The following FAM107B variants were observed in gnomAD, a reference collection of about 807,000 sequenced individuals.
The protein encoded by FAM107B is family with sequence similarity 107 member B.
FAM107B carries 21 observed loss-of-function variants against 31.5 expected under a neutral mutation model. The observed-to-expected ratio is 0.67, with a 90% confidence interval of 0.47 to 0.96. The LOEUF is 0.96. Ranked by LOEUF, FAM107B falls within the 40% of genes least tolerant of loss-of-function variation. The pLI, the probability that FAM107B is intolerant of heterozygous loss-of-function variation, is 0.00. For synonymous variants in FAM107B, 157 were observed against 141.5 expected (o/e 1.11, Z -0.78); for missense variants, 452 against 377.1 (o/e 1.20, Z -1.64).
At chr10:14,575,499 G>A (rs540117908) in intron 2 of FAM107B, among the ~76,000 whole-genome samples, 58 of 152,188 alleles carry the variant, frequency 3.8e-4, no homozygotes, top group South Asian at 1.0e-3. Flanking sequence ...CACTGCGCCC[G>A]GCCAAGAAGC....
At chr10:14,551,602 T>A (rs1359075017) in intron 2 of FAM107B, among the ~76,000 whole-genome samples, 1 of 151,630 alleles carries the variant, frequency 6.6e-6, no homozygotes, top group Non-Finnish European at 1.5e-5. Context: ...TTTTTTTTTT[T>A]AAGGACACTA....
At chr10:14,610,446 C>T (rs1404460889) in intron 2 of FAM107B, among the ~76,000 whole-genome samples, 1 of 152,092 alleles carries the variant, frequency 6.6e-6, no homozygotes. Context: ...CTGTTTTGCA[C>T]AATTGTTGTA....
intron 2 of FAM107B, among the ~76,000 whole-genome samples, chr10:14,612,289 C>A (rs763616347): frequency 6.6e-6 from 1 of 152,152 alleles, no homozygotes; most frequent in African/African-American, 2.4e-5. Context: ...AACTAAAATC[C>A]TAACTAATGT....
At chr10:14,573,874 T>G (rs1851377337) in intron 2 of FAM107B, among the ~76,000 whole-genome samples, 3 of 151,684 alleles carry the variant, frequency 2.0e-5, no homozygotes, top group Admixed American at 2.0e-4. Context: ...TTGGATTCCT[T>G]CCAAATGATC....
At chr10:14,692,300 C>A (rs1178298383) in intron 1 of FAM107B, among the ~76,000 whole-genome samples, 1 of 152,122 alleles carries the variant, frequency 6.6e-6, no homozygotes, top group Non-Finnish European at 1.5e-5. Flanking sequence ...TCCCTTGGAA[C>A]CATCTAGTCA....
At chr10:14,717,724 C>T (rs150175774) in intron 1 of FAM107B, among the ~76,000 whole-genome samples, 1 of 146,748 alleles carries the variant, frequency 6.8e-6, no homozygotes, top group Non-Finnish European at 1.5e-5. Flanking sequence ...TCGACAGACT[C>T]AAATGTCAGT....
intron 1 of FAM107B, among the ~76,000 whole-genome samples, chr10:14,690,726 A>C (rs1459604378): frequency 3.9e-5 from 6 of 152,108 alleles, no homozygotes; most frequent in Non-Finnish European, 2.9e-5. Flanking sequence ...TGCTGGGATT[A>C]CAGGCGTGAG....
intron 1 of FAM107B, among the ~76,000 whole-genome samples, chr10:14,671,886 A>C (rs1355132952): frequency 0.012 from 98 of 8,476 alleles, 4 homozygotes; most frequent in East Asian, 0.075. Flanking sequence ...AAAAAAAAAC[A>C]AAAAAACAAA....
chr10:14,630,658 C>G (rs2131417556), intron 2 of FAM107B, among the ~76,000 whole-genome samples: 1 of 151,776 alleles, frequency 6.6e-6, no homozygotes, highest in South Asian at 2.1e-4. Context: ...AAAAATACCC[C>G]TCTAAAATAA....
chr10:14,599,296 G>C (rs1852288475), intron 2 of FAM107B, among the ~76,000 whole-genome samples: 1 of 152,148 alleles, frequency 6.6e-6, no homozygotes, highest in African/African-American at 2.4e-5. Context: ...ACCAGGAAGA[G>C]GCCTGCTGAG....
intron 1 of FAM107B, among the ~76,000 whole-genome samples, chr10:14,686,392 CAAA>C (rs61066393): frequency 3.2e-5 from 4 of 125,730 alleles, no homozygotes; most frequent in African/African-American, 5.9e-5. Context: ...CTGCATGTCT[CAAA>C]AAAAAAAAAA....
In FAM107B at chr10:14,620,017, CTTTTTTTTTTT is replaced by C. The variant is rs71388190; in HGVS notation, c.469+47606_469+47616del. On this transcript the variant is annotated intron_variant, in intron 2 of 4. Coordinates refer to ENST00000181796, the MANE Select transcript of FAM107B (RefSeq NM_031453.4). ...ATCTACGTCTGGACTTTCTTTCTTT[CTTTTTTTTTTT>C]TTTTTTTTTTGAGATGGAGTCTCGC... Among the ~76,000 whole-genome samples the C allele has an allele frequency of 3.6e-5, 3 of 83,894 alleles. No individual in the cohort carries two copies. The South Asian group carries it at 1.3e-3, about 36-fold the overall frequency. 55.0% of individuals were successfully genotyped at this position (83,894 alleles called of 152,430 possible). A position where few individuals can be genotyped will look rare whatever the true frequency, so the allele number is the denominator to read the frequency against.
At chr10:14,608,489 C>G (rs1341014823) in intron 2 of FAM107B, among the ~76,000 whole-genome samples, 2 of 152,192 alleles carry the variant, frequency 1.3e-5, no homozygotes, top group Non-Finnish European at 2.9e-5. Context: ...TAGCTTGGCT[C>G]TGTCATGTGT....
At chr10:14,668,339 G>C (rs1355688427) in intron 1 of FAM107B, among the ~76,000 whole-genome samples, 3 of 152,124 alleles carry the variant, frequency 2.0e-5, no homozygotes, top group Non-Finnish European at 4.4e-5. Flanking sequence ...CACCACACCA[G>C]GCCAGGTTTT....
intron 1 of FAM107B, among the ~76,000 whole-genome samples, chr10:14,744,363 G>T (rs138145451): frequency 6.6e-6 from 1 of 152,100 alleles, no homozygotes; most frequent in East Asian, 1.9e-4. Context: ...TGATTGCCCT[G>T]ACCAGAACTT....
chr10:14,720,191 A>C (rs1020859958), intron 1 of FAM107B, among the ~76,000 whole-genome samples: 3 of 152,202 alleles, frequency 2.0e-5, no homozygotes, highest in Non-Finnish European at 4.4e-5. Context: ...TGATTCCCTG[A>C]TGGTGCCAGA....
intron 2 of FAM107B, among the ~76,000 whole-genome samples, chr10:14,561,456 C>G (rs1306634329): frequency 6.6e-6 from 1 of 152,162 alleles, no homozygotes; most frequent in African/African-American, 2.4e-5. Flanking sequence ...AGGGAAAGAG[C>G]TTTGGGCAGA....
intron 2 of FAM107B, among the ~76,000 whole-genome samples, chr10:14,657,248 TG>T (rs1418200967): frequency 1.3e-5 from 2 of 152,224 alleles, no homozygotes; most frequent in African/African-American, 4.8e-5. Context: ...TGCTCTCCAA[TG>T]ACTCTGAGGA....
intron 1 of FAM107B, among the ~76,000 whole-genome samples, chr10:14,679,533 T>C (rs940784957): frequency 5.3e-5 from 8 of 152,212 alleles, no homozygotes; most frequent in African/African-American, 1.9e-4. Context: ...GATTGTGAGA[T>C]AGCGGGACTA....
Sources: gnomAD v4.1 joint callset for allele counts (sites outside exome capture counted in the v4.1 genomes callset) on GRCh38, gnomAD v4.1.1 for gene constraint, MANE v1.5 for transcripts, NCBI Gene and HGNC (gene_info 2026-07-23, HGNC 2026-07-21) for gene names.